The following SLC5A3 variants were observed in gnomAD, a reference collection of about 807,000 sequenced individuals.
SLC5A3 encodes the protein solute carrier family 5 member 3.
In SLC5A3, 10 loss-of-function variants were observed where a neutral mutation model predicts 43.2. That is an observed-to-expected ratio of 0.23 (90% CI 0.14 to 0.39). The LOEUF (loss-of-function observed/expected upper bound fraction) is 0.39, where lower values mean the gene tolerates loss of function less well. Among genes scored for constraint, SLC5A3 ranks in the 10% least tolerant of loss-of-function variants. SLC5A3 has a pLI of 1.00. For synonymous variants in SLC5A3, 349 were observed against 322.0 expected (o/e 1.08, Z -0.90); for missense variants, 608 against 893.4 (o/e 0.68, Z 4.07).
chr21:34,086,891 G>A (rs1978416738), intron 1 of SLC5A3, among the ~76,000 whole-genome samples: 1 of 152,168 alleles, frequency 6.6e-6, no homozygotes, highest in South Asian at 2.1e-4. Context: ...TGAGCTGAAG[G>A]GAATTGTTGC....
In SLC5A3 at chr21:34,103,808, T is replaced by C. The variant is rs1321998733; in HGVS notation, c.*6453T>C. The stretch of plus-strand genomic sequence containing the variant: ...GTACCACATTGATGGAGGGAGAGAA[T>C]ATAAATGTCAAGAATGCCAAAATTA... On this transcript the variant is annotated 3_prime_UTR_variant, in exon 2 of 2. Transcript: ENST00000381151. 2 of 1,000,012 alleles carry C rather than the reference T, an allele frequency of 2.0e-6. No homozygotes were observed. Among genetic ancestry groups the C allele is most frequent in the East Asian group, 2.3e-4 (2 of 8,830 alleles). The allele number at this position is 1,000,012 out of a possible 1,614,324, so 61.9% of individuals were successfully genotyped here.
Position 34,098,969 on chromosome 21 carries a change from T to C in SLC5A3, c.*1614T>C. Reference sequence around the variant, plus strand: ...GGGAAATTACTTTCATAAATACTTTTGTAGATTTTGAATCAAAACTCAGTC... The same window carrying C: ...GGGAAATTACTTTCATAAATACTTTCGTAGATTTTGAATCAAAACTCAGTC... On this transcript the variant is annotated 3_prime_UTR_variant, in exon 2 of 2. Transcript: ENST00000381151. The C allele has an allele frequency of 1.0e-6, 1 of 986,626 alleles. No homozygotes were observed. The highest frequency in any genetic ancestry group is 1.2e-6 in the Non-Finnish European group (1 of 817,592). 61.1% of individuals were successfully genotyped at this position (986,626 alleles called of 1,614,324 possible). A position where few individuals can be genotyped will look rare whatever the true frequency, so the allele number is the denominator to read the frequency against.
Position 34,073,642 on chromosome 21 carries a change from G to GC in SLC5A3, c.-436dup, listed in dbSNP as rs1989242467. ...AGGTCCCCACTGTCCCCGCCGTCCC[G>GC]CCCCTTCGCGTCCCGGGAACCGGCT... On this transcript the variant is annotated 5_prime_UTR_variant, in exon 1 of 2. Transcript: ENST00000381151. 7 of 1,455,450 alleles carry GC rather than the reference G, an allele frequency of 4.8e-6. No homozygotes were observed. Among genetic ancestry groups the GC allele is most frequent in the Non-Finnish European group, 4.7e-6 (5 of 1,073,364 alleles). 90.2% of individuals were successfully genotyped at this position (1,455,450 alleles called of 1,614,324 possible). A position where few individuals can be genotyped will look rare whatever the true frequency, so the allele number is the denominator to read the frequency against.
Position 34,079,602 on chromosome 21 carries a change from A to ATTTTTTT in SLC5A3, c.-337+5882_-337+5888dup, listed in dbSNP as rs398036389. Among the ~76,000 whole-genome samples, 172 of 43,674 alleles carry ATTTTTTT rather than the reference A, an allele frequency of 3.9e-3. 13 individuals are homozygous for ATTTTTTT. The highest frequency in any genetic ancestry group is 0.014 in the African/African-American group (169 of 11,772). 28.7% of individuals were successfully genotyped at this position (43,674 alleles called of 152,430 possible). On this transcript the variant is annotated intron_variant, in intron 1 of 1. Coordinates refer to ENST00000381151, the MANE Select transcript of SLC5A3 (RefSeq NM_006933.7). Reference sequence around the variant, plus strand: ...AGGCATGCGCCACCAGACCCAGCTAATTTTTTTTTTTTTTTTTTTTTTTTT... The same window carrying ATTTTTTT: ...AGGCATGCGCCACCAGACCCAGCTAATTTTTTTTTTTTTTTTTTTTTTTTTTTTTTTT...
chr21:34,101,659 T>C lies in SLC5A3; in HGVS notation c.*4304T>C, dbSNP rs903209370. 3 of 1,000,098 alleles carry C rather than the reference T, an allele frequency of 3.0e-6. No individual in the cohort carries two copies. In the African/African-American group the frequency reaches 5.2e-5, roughly 17 times the overall value. 62.0% of individuals were successfully genotyped at this position (1,000,098 alleles called of 1,614,324 possible). A position where few individuals can be genotyped will look rare whatever the true frequency, so the allele number is the denominator to read the frequency against. ...GATTTTTTTGTCAGCTTAGTTCACT[T>C]TAAGGCATATTGGCATGGTGTGTGA... On this transcript the variant is annotated 3_prime_UTR_variant, in exon 2 of 2. Coordinates refer to ENST00000381151, the MANE Select transcript of SLC5A3 (RefSeq NM_006933.7).
Position 34,095,796 on chromosome 21 carries a change from A to G in SLC5A3, c.598A>G (p.Met200Val). Reference protein sequence around the residue: ...LLMIIGALTLMIISIMEIGGF... With the variant: ...LLMIIGALTLVIISIMEIGGF... ...CATGATCATTGGGGCACTTACACTT[A>G]TGATTATTAGCATAATGGAGATTGG... The change falls in exon 2 of 2, where the codon ATG becomes GTG. Residue 200 changes from methionine (M) to valine (V), a missense_variant. By Grantham distance (21) the Met-to-Val change is conservative (BLOSUM62 1). Coordinates refer to ENST00000381151, the MANE Select transcript of SLC5A3 (RefSeq NM_006933.7). 1 of 1,614,014 alleles carries G rather than the reference A, an allele frequency of 6.2e-7. No individual in the cohort carries two copies. The highest frequency in any genetic ancestry group is 1.1e-5 in the South Asian group (1 of 91,076).
At chr21:34,079,351 A>G (rs1004550873) in intron 1 of SLC5A3, among the ~76,000 whole-genome samples, 3 of 152,162 alleles carry the variant, frequency 2.0e-5, no homozygotes, top group Admixed American at 6.5e-5. Context: ...TTTAGAGTAT[A>G]TAGACACAAT....
At position 34,096,790 on chromosome 21, in the gene SLC5A3, T is replaced by G. The variant is rs1277308535; in HGVS notation, c.1592T>G (p.Leu531Arg). ...GGACTCATTACTGTAATTGTGAGCC[T>G]TCTCACACCACCTCCCACAAAGGAA... is the stretch of plus-strand genomic sequence containing the variant. ...VTGLITVIVS[L>R]LTPPPTKEQI... The change falls in exon 2 of 2, where the codon CTT becomes CGT. Residue 531 changes from leucine to arginine, a missense_variant. Around this residue, in one of 2 missense-constraint regions of SLC5A3, gnomAD observed 210 missense variants for 224.8 expected, o/e 0.93. Coordinates refer to ENST00000381151, the MANE Select transcript of SLC5A3 (RefSeq NM_006933.7). The surrounding 1 kb of genome is among the most constrained non-coding windows in gnomAD (Gnocchi z 5.9). 2.5e-6 allele frequency: 4 copies of G among 1,614,004 alleles called. No homozygotes were observed. Among genetic ancestry groups the G allele is most frequent in the Non-Finnish European group, 3.4e-6 (4 of 1,179,940 alleles).
chr21:34,078,688 A>G (rs1989390002), intron 1 of SLC5A3, among the ~76,000 whole-genome samples: 1 of 152,196 alleles, frequency 6.6e-6, no homozygotes, highest in African/African-American at 2.4e-5. Flanking sequence ...CTGTGTTTGT[A>G]CTACTACATG....
chr21:34,103,660 A>G lies in SLC5A3; in HGVS notation c.*6305A>G. 1 of 1,000,220 alleles carries G rather than the reference A, an allele frequency of 1.0e-6. No homozygotes were observed. The highest frequency in any genetic ancestry group is 1.2e-6 in the Non-Finnish European group (1 of 829,960). The allele number at this position is 1,000,220 out of a possible 1,614,324, so 62.0% of individuals were successfully genotyped here. Reference sequence around the variant, plus strand: ...CTGTATCCCACAAGTGCCAGTCATAAAGGCCACCAGGTATTTGTCTCAGAG... The same window carrying G: ...CTGTATCCCACAAGTGCCAGTCATAGAGGCCACCAGGTATTTGTCTCAGAG... On this transcript the variant is annotated 3_prime_UTR_variant, in exon 2 of 2. Coordinates refer to ENST00000381151, the MANE Select transcript of SLC5A3 (RefSeq NM_006933.7).
chr21:34,094,653 C>T (rs2409516), intron 1 of SLC5A3, among the ~76,000 whole-genome samples: 152,354 of 152,354 alleles, frequency 1, 76,177 homozygotes, highest in Non-Finnish European at 1. Flanking sequence ...CTGTCCTCAG[C>T]TCAAAATGAT....
In SLC5A3 at chr21:34,095,173, AG is replaced by A. The variant is rs11295803; in HGVS notation, c.-25del. 1 allele frequency: 1,563,544 copies of A among 1,563,544 alleles called. 781,772 individuals are homozygous for A. Among genetic ancestry groups the A allele is most frequent in the Non-Finnish European group, 1 (1,157,764 of 1,157,764 alleles). ...AAAAGTTGGACACTTCTGTCATTGG[AG>A]CGCTATTATTCACAAGTTACCAGAA... On this transcript the variant is annotated 5_prime_UTR_variant, in exon 2 of 2. Transcript: ENST00000381151.
rs983060594 is a variant in SLC5A3 at position 34,073,603 on chromosome 21, G to C, written c.-479G>C. On this transcript the variant is annotated 5_prime_UTR_variant, in exon 1 of 2. Transcript: ENST00000381151. ...GCTTTCGCCGCCTGGGAGCCGTCCG[G>C]CGCAGCAGTTTCTAGGTCCCCACTG... 6.7e-5 allele frequency: 73 copies of C among 1,084,536 alleles called. No individual in the cohort carries two copies. Among genetic ancestry groups the C allele is most frequent in the Non-Finnish European group, 8.9e-5 (68 of 763,976 alleles). 67.2% of individuals were successfully genotyped at this position (1,084,536 alleles called of 1,614,324 possible).
Position 34,105,439 on chromosome 21 carries a change from A to T in SLC5A3, c.*8084A>T, listed in dbSNP as rs1200556407. 1.0e-6 allele frequency: 1 copy of T among 999,616 alleles called. No individual in the cohort carries two copies. Among genetic ancestry groups the T allele is most frequent in the Non-Finnish European group, 1.2e-6 (1 of 829,528 alleles). 61.9% of individuals were successfully genotyped at this position (999,616 alleles called of 1,614,324 possible). On this transcript the variant is annotated 3_prime_UTR_variant, in exon 2 of 2. Coordinates refer to ENST00000381151, the MANE Select transcript of SLC5A3 (RefSeq NM_006933.7). ...TGCTTCATTCATTCATTTATTTTTA[A>T]GCCAAATGTCAGCAGAGTGCTGCTG...
In SLC5A3 at chr21:34,102,840, T is replaced by G; in HGVS notation, c.*5485T>G. ...GCTTTTCCCCTCACTTCTAGGTTGTTTACATTCAGAGCTCTATCAATAAGA... is the reference window on the plus strand; with the variant it reads ...GCTTTTCCCCTCACTTCTAGGTTGTGTACATTCAGAGCTCTATCAATAAGA... On this transcript the variant is annotated 3_prime_UTR_variant, in exon 2 of 2. Coordinates refer to ENST00000381151, the MANE Select transcript of SLC5A3 (RefSeq NM_006933.7). The G allele has an allele frequency of 1.0e-6, 1 of 1,000,152 alleles. No homozygotes were observed. Among genetic ancestry groups the G allele is most frequent in the Non-Finnish European group, 1.2e-6 (1 of 829,930 alleles). 62.0% of individuals were successfully genotyped at this position (1,000,152 alleles called of 1,614,324 possible). A position where few individuals can be genotyped will look rare whatever the true frequency, so the allele number is the denominator to read the frequency against.
chr21:34,092,693 T>C (rs1978764669), intron 1 of SLC5A3, among the ~76,000 whole-genome samples: 1 of 152,214 alleles, frequency 6.6e-6, no homozygotes, highest in Non-Finnish European at 1.5e-5. Flanking sequence ...AGTGCTTGTT[T>C]TCTTTTTCAG....
chr21:34,100,016 A>G lies in SLC5A3; in HGVS notation c.*2661A>G. ...ACTGTCTTAAGCTAGCAAAATGTTC[A>G]TACTTTACACTGACTAAATGGGTCC... On this transcript the variant is annotated 3_prime_UTR_variant, in exon 2 of 2. Coordinates refer to ENST00000381151, the MANE Select transcript of SLC5A3 (RefSeq NM_006933.7). 3.5e-6 allele frequency: 3 copies of G among 851,636 alleles called. No individual in the cohort carries two copies. Among genetic ancestry groups the G allele is most frequent in the Non-Finnish European group, 4.3e-6 (3 of 694,388 alleles). 52.8% of individuals were successfully genotyped at this position (851,636 alleles called of 1,614,324 possible).
intron 1 of SLC5A3, among the ~76,000 whole-genome samples, chr21:34,090,543 T>A (rs2898204): frequency 6.6e-6 from 1 of 152,248 alleles, no homozygotes; most frequent in South Asian, 2.1e-4. Context: ...TTATCTAATC[T>A]TTCTATATAT....
Position 34,097,485 on chromosome 21 carries a change from A to C in SLC5A3, c.*130A>C. 6.9e-7 allele frequency: 1 copy of C among 1,440,792 alleles called. No homozygotes were observed. The highest frequency in any genetic ancestry group is 1.7e-5 in the South Asian group (1 of 59,570). The allele number at this position is 1,440,792 out of a possible 1,614,324, so 89.3% of individuals were successfully genotyped here. Reference sequence around the variant, plus strand: ...TTTAGCCAAATTTTACTTAGCAGAAAATCATCTAATTACAAGACTTTATTT... The same window carrying C: ...TTTAGCCAAATTTTACTTAGCAGAACATCATCTAATTACAAGACTTTATTT... On this transcript the variant is annotated 3_prime_UTR_variant, in exon 2 of 2. Transcript: ENST00000381151.
Sources: allele counts gnomAD v4.1 joint callset (sites outside exome capture counted in the v4.1 genomes callset), GRCh38; gene constraint gnomAD v4.1.1; regional missense constraint gnomAD v4.1.1; non-coding constraint Gnocchi (gnomAD v3.1); transcripts MANE v1.5; gene names NCBI Gene and HGNC (gene_info 2026-07-23, HGNC 2026-07-21).